The following TMEM106B variants were observed in gnomAD, a reference collection of about 807,000 sequenced individuals.
TMEM106B encodes transmembrane protein 106B.
In TMEM106B, 15 loss-of-function variants were observed where a neutral mutation model predicts 31.1. The observed-to-expected ratio is 0.48, with a 90% CI of 0.32 to 0.74. TMEM106B has a LOEUF of 0.74. TMEM106B is among the 30% of genes least tolerant of loss of function. TMEM106B has a pLI of 0.03. For missense variants in TMEM106B, 283 were observed against 327.3 expected (o/e 0.86, Z 1.04); for synonymous variants, 126 against 112.5 (o/e 1.12, Z -0.76).
At chr7:12,213,483 C>T (rs936095764) in intron 1 of TMEM106B, among the ~76,000 whole-genome samples, 1 of 152,122 alleles carries the variant, frequency 6.6e-6, no homozygotes, top group African/African-American at 2.4e-5. Flanking sequence ...ACCTAGTTAT[C>T]GTCTACCCAA....
intron 1 of TMEM106B, among the ~76,000 whole-genome samples, chr7:12,214,013 A>G (rs898761025): frequency 5.3e-5 from 8 of 152,290 alleles, no homozygotes; most frequent in African/African-American, 1.7e-4. Flanking sequence ...AAGACTAACA[A>G]GAGTCTCTTT....
intron 4 of TMEM106B, among the ~76,000 whole-genome samples, chr7:12,225,916 C>G (rs1436306316): frequency 2.0e-5 from 3 of 152,138 alleles, no homozygotes; most frequent in African/African-American, 7.2e-5. Flanking sequence ...GTGTTTTAGT[C>G]ATGAAGTCCT....
intron 4 of TMEM106B, among the ~76,000 whole-genome samples, chr7:12,228,209 A>G (rs1306936977): frequency 6.6e-6 from 1 of 151,926 alleles, no homozygotes; most frequent in Non-Finnish European, 1.5e-5. Context: ...AAATGTAATC[A>G]TATAATTGCT....
In TMEM106B at chr7:12,233,692, C is replaced by G. The variant is rs1782074005; in HGVS notation, c.*1717C>G. The G allele has an allele frequency of 6.7e-6, 1 of 149,928 alleles. No homozygotes were observed. The highest frequency in any genetic ancestry group is 2.4e-5 in the African/African-American group (1 of 40,918). 9.3% of individuals were successfully genotyped at this position (149,928 alleles called of 1,614,324 possible). A position where few individuals can be genotyped will look rare whatever the true frequency, so the allele number is the denominator to read the frequency against. The stretch of plus-strand genomic sequence containing the variant: ...TTCTAGTATTTAAAAAAAAAAAAAT[C>G]ATTTTCATTTTTCTTCTGCTACGTT... On this transcript the variant is annotated 3_prime_UTR_variant, in exon 8 of 8. Transcript: ENST00000396668.
Position 12,241,071 on chromosome 7 carries a change from A to C in TMEM106B, c.*9096A>C, listed in dbSNP as rs1462868789. ...GATTTTCCATTTTAACATACATTTT[A>C]AATGTTTTGTCTTCAAAGGGAATCC... is the stretch of plus-strand genomic sequence containing the variant. On this transcript the variant is annotated 3_prime_UTR_variant, in exon 8 of 8. Coordinates refer to ENST00000396668, the MANE Select transcript of TMEM106B (RefSeq NM_001134232.2). 6.6e-6 allele frequency: 1 copy of C among 152,200 alleles called. No individual in the cohort carries two copies. Among genetic ancestry groups the C allele is most frequent in the Non-Finnish European group, 1.5e-5 (1 of 68,040 alleles). 9.4% of individuals were successfully genotyped at this position (152,200 alleles called of 1,614,324 possible).
At chr7:12,212,491 T>C (rs552603862) in intron 1 of TMEM106B, among the ~76,000 whole-genome samples, 1 of 105,690 alleles carries the variant, frequency 9.5e-6, no homozygotes, top group South Asian at 3.0e-4. Context: ...TATAAATACA[T>C]AGTTTTTTTT....
chr7:12,232,009 C>A lies in TMEM106B; in HGVS notation c.*34C>A, dbSNP rs746155700. On this transcript the variant is annotated 3_prime_UTR_variant, in exon 8 of 8. Coordinates refer to ENST00000396668, the MANE Select transcript of TMEM106B (RefSeq NM_001134232.2). ...AGAGATGGATTTAAAGAAGAAATAT[C>A]TATTGATATTTCCTATACTCTCAAT... 60 of 1,597,122 alleles carry A rather than the reference C, an allele frequency of 3.8e-5. No individual in the cohort carries two copies. The highest frequency in any genetic ancestry group is 1.7e-4 in the Middle Eastern group (1 of 6,014).
rs774977615 is a variant in TMEM106B, at chr7:12,229,656, T to C, written c.442-23T>C. The C allele has an allele frequency of 1.0e-5, 16 of 1,523,872 alleles. No homozygotes were observed. The South Asian group carries it at 1.5e-4, about 15-fold the overall frequency. The allele number at this position is 1,523,872 out of a possible 1,614,324, so 94.4% of individuals were successfully genotyped here. ...TGTATATTTTTAGCTAACTTGTAAATTTTCTGTGTCCTTTTTTTGTAGAAC... is the reference window on the plus strand; with the variant it reads ...TGTATATTTTTAGCTAACTTGTAAACTTTCTGTGTCCTTTTTTTGTAGAAC... On this transcript the variant is annotated intron_variant, in intron 4 of 7. Coordinates refer to ENST00000396668, the MANE Select transcript of TMEM106B (RefSeq NM_001134232.2).
At chr7:12,221,367 G>T (rs1462693598) in intron 3 of TMEM106B, among the ~76,000 whole-genome samples, 1 of 152,104 alleles carries the variant, frequency 6.6e-6, no homozygotes, top group Non-Finnish European at 1.5e-5. Context: ...GAGTACCTTT[G>T]ATGTAGTTTG....
intron 3 of TMEM106B, 60 bp from the exon 4 acceptor site, chr7:12,224,166 A>C: frequency 6.7e-7 from 1 of 1,481,980 alleles, no homozygotes; most frequent in Non-Finnish European, 9.3e-7. Context: ...TACCTTCTCT[A>C]ATGTTGTGTT....
chr7:12,213,243 T>G (rs929213991), intron 1 of TMEM106B, among the ~76,000 whole-genome samples: 3 of 151,182 alleles, frequency 2.0e-5, no homozygotes, highest in African/African-American at 7.3e-5. Flanking sequence ...TAACTTATAT[T>G]TAATATTTTG....
At chr7:12,222,049 AATTAT>A (rs1781799691) in intron 3 of TMEM106B, among the ~76,000 whole-genome samples, 1 of 152,256 alleles carries the variant, frequency 6.6e-6, no homozygotes, top group African/African-American at 2.4e-5. Flanking sequence ...ATTATTAGAA[AATTAT>A]ATTTATCAAT....
intron 1 of TMEM106B, chr7:12,214,456 A>G (rs1369800648): frequency 5.1e-6 from 1 of 194,624 alleles, no homozygotes; most frequent in Non-Finnish European, 1.1e-5. Context: ...CTATGCACCT[A>G]TGACCTGGAC....
chr7:12,240,367 G>GT lies in TMEM106B; in HGVS notation c.*8395dup, dbSNP rs1441500183. ...CTTTTTCTGAATGTTTTTTCTGAAT[G>GT]TTTACTTTTAAAGGAGTTGCCCAGT... On this transcript the variant is annotated 3_prime_UTR_variant, in exon 8 of 8. Transcript: ENST00000396668. 1 of 152,034 alleles carries GT rather than the reference G, an allele frequency of 6.6e-6. No homozygotes were observed. Among genetic ancestry groups the GT allele is most frequent in the Non-Finnish European group, 1.5e-5 (1 of 68,002 alleles). The allele number at this position is 152,034 out of a possible 1,614,324, so 9.4% of individuals were successfully genotyped here.
chr7:12,233,450 A>G lies in TMEM106B; in HGVS notation c.*1475A>G, dbSNP rs1431334772. The G allele has an allele frequency of 6.6e-6, 1 of 151,654 alleles. No homozygotes were observed. Among genetic ancestry groups the G allele is most frequent in the Non-Finnish European group, 1.5e-5 (1 of 67,668 alleles). 9.4% of individuals were successfully genotyped at this position (151,654 alleles called of 1,614,324 possible). ...GTTTATTAGTCTGACTCTCTCAACC[A>G]TAAAACATAAGCTTTATTTAATTCT... On this transcript the variant is annotated 3_prime_UTR_variant, in exon 8 of 8. Transcript: ENST00000396668.
chr7:12,230,306 A>G, intron 5 of TMEM106B, 83 bp from the exon 6 acceptor site: 1 of 1,005,220 alleles, frequency 9.9e-7, no homozygotes. Context: ...AAAAATTTCT[A>G]ATTATTTGAA....
intron 3 of TMEM106B, among the ~76,000 whole-genome samples, chr7:12,219,697 T>C (rs1434901053): frequency 1.3e-5 from 2 of 152,034 alleles, no homozygotes; most frequent in African/African-American, 4.8e-5. Context: ...AAGAAAAACA[T>C]TTCCACAAAA....
At chr7:12,220,449 A>T (rs1781765506) in intron 3 of TMEM106B, among the ~76,000 whole-genome samples, 1 of 152,168 alleles carries the variant, frequency 6.6e-6, no homozygotes, top group Admixed American at 6.6e-5. Flanking sequence ...AAAAAGGCCA[A>T]CCTCCAAAGC....
intron 4 of TMEM106B, among the ~76,000 whole-genome samples, chr7:12,229,012 C>T (rs558159539): frequency 2.6e-5 from 4 of 151,630 alleles, no homozygotes; most frequent in African/African-American, 4.8e-5. Flanking sequence ...AGATTATAAC[C>T]GATGCTTACA....
Sources: gnomAD v4.1 joint callset for allele counts (sites outside exome capture counted in the v4.1 genomes callset) on GRCh38, gnomAD v4.1.1 for gene constraint, MANE v1.5 for transcripts, NCBI Gene and HGNC (gene_info 2026-07-23, HGNC 2026-07-21) for gene names.